SLCO1B3: variants seen among roughly 807,000 people sequenced by gnomAD.
The protein encoded by SLCO1B3 is liver-specific organic anion transporter 2.
Under a neutral mutation model 71.8 loss-of-function variants are expected in SLCO1B3, and 72 were observed. The ratio of observed to expected loss-of-function variants is 1.00; its 90% CI spans 0.83 to 1.22. The LOEUF (loss-of-function observed/expected upper bound fraction) is 1.22. SLCO1B3 is among the 50% of genes most tolerant of loss of function. The probability of loss-of-function intolerance (pLI) is 0.00; values close to 1 mark genes in which losing one functional copy is unlikely to be tolerated. For missense variants in SLCO1B3, 911 were observed against 819.7 expected, an observed-to-expected ratio of 1.11 and a Z score of -1.36; for synonymous variants, 298 against 278.4, an observed-to-expected ratio of 1.07 and a Z score of -0.70.
intron 3 of SLCO1B3, among the ~76,000 whole-genome samples, chr12:20,848,729 A>G (rs570760090): frequency 6.6e-6 from 1 of 152,280 alleles, no homozygotes; most frequent in South Asian, 2.1e-4. Context: ...AAAGAAGCAA[A>G]TCTTAAAATG....
intron 5 of SLCO1B3, chr12:20,858,897 C>A (rs539132807): frequency 1.9e-5 from 3 of 160,590 alleles, no homozygotes; most frequent in Non-Finnish European, 2.7e-5. Flanking sequence ...TTTTGATTAT[C>A]CTCAGTAAGG....
chr12:20,858,806 GGT>G, intron 5 of SLCO1B3: 1 of 245,442 alleles, frequency 4.1e-6, no homozygotes, highest in Non-Finnish European at 7.7e-6. Context: ...TATTATATAA[GGT>G]ATACAGTTTT....
intron 12 of SLCO1B3, among the ~76,000 whole-genome samples, chr12:20,882,210 A>G (rs78102661): frequency 0.044 from 6,660 of 152,218 alleles, 235 homozygotes; most frequent in East Asian, 0.18. Flanking sequence ...GGCAATGGCT[A>G]TGCTATGTGG....
At chr12:20,838,630 C>G (rs933594170) in intron 3 of SLCO1B3, among the ~76,000 whole-genome samples, 3 of 151,966 alleles carry the variant, frequency 2.0e-5, no homozygotes, top group African/African-American at 7.2e-5. Context: ...AGGCTACAAA[C>G]CTTTACAGCC....
Position 20,862,585 on chromosome 12 carries a change from A to G in SLCO1B3, c.628+27A>G, listed in dbSNP as rs762676029. 40 of 1,566,384 alleles carry G rather than the reference A, an allele frequency of 2.6e-5. No individual in the cohort carries two copies. The Middle Eastern group carries it at 5.0e-4, about 20-fold the overall frequency. ...TAACGTACAGAATATATTAAATTTC[A>G]TGATTACATTCCCTGGATCTACCCT... is the stretch of plus-strand genomic sequence containing the variant. On this transcript the variant is annotated intron_variant, in intron 7 of 15. Coordinates refer to ENST00000381545, the MANE Select transcript of SLCO1B3 (RefSeq NM_019844.4).
chr12:20,875,610 T>G, intron 9 of SLCO1B3, 133 bp downstream of exon 9: 1 of 949,244 alleles, frequency 1.1e-6, no homozygotes, highest in Non-Finnish European at 1.5e-6. Context: ...GCTGAATTAT[T>G]TTTTCTAAAA....
chr12:20,820,599 T>C (rs965865706), intron 3 of SLCO1B3, among the ~76,000 whole-genome samples: 1 of 152,174 alleles, frequency 6.6e-6, no homozygotes, highest in Non-Finnish European at 1.5e-5. Flanking sequence ...TTTGTTTTAT[T>C]ACTGTACACC....
intron 15 of SLCO1B3, among the ~76,000 whole-genome samples, chr12:20,908,908 T>A (rs940640588): frequency 2.6e-4 from 40 of 152,204 alleles, no homozygotes; most frequent in Non-Finnish European, 5.3e-4. Flanking sequence ...AACACCAAAG[T>A]GCAATTACTT....
chr12:20,833,176 C>G (rs551127130), intron 3 of SLCO1B3, among the ~76,000 whole-genome samples: 4 of 152,056 alleles, frequency 2.6e-5, no homozygotes, highest in Non-Finnish European at 2.9e-5. Context: ...TTTAAAGGAG[C>G]CTTGTGATTA....
chr12:20,838,658 C>T (rs79772154), intron 3 of SLCO1B3, among the ~76,000 whole-genome samples: 5,752 of 152,046 alleles, frequency 0.038, 170 homozygotes, highest in East Asian at 0.17. Flanking sequence ...GTACTAAATA[C>T]TGCAGGAATT....
chr12:20,896,649 T>C (rs898753578), intron 13 of SLCO1B3, among the ~76,000 whole-genome samples: 18 of 152,160 alleles, frequency 1.2e-4, no homozygotes, highest in Admixed American at 6.6e-5. Context: ...TATTTTCTTG[T>C]TTTTTTCTGA....
At chr12:20,865,243 C>G (rs1404360810) in intron 8 of SLCO1B3, among the ~76,000 whole-genome samples, 1 of 152,100 alleles carries the variant, frequency 6.6e-6, no homozygotes, top group Admixed American at 6.6e-5. Flanking sequence ...ACTGATTTAA[C>G]TAGTCATTTC....
At position 20,883,503 on chromosome 12, in the gene SLCO1B3, A is replaced by T. The variant is rs1349659255; in HGVS notation, c.1583A>T (p.Asn528Ile). ...CACTTGGGTGAATGCCCAAGAGATA[A>T]TACTTGTACAAGGAAATTTTTCATC... ...SAHLGECPRDNTCTRKFFIYV... is the reference protein window; with the variant it reads ...SAHLGECPRDITCTRKFFIYV... The change falls in exon 13 of 16, where the codon AAT becomes ATT. Residue 528 changes from asparagine (N) to isoleucine (I), a missense_variant. Physicochemically the swap from Asn to Ile is moderately radical, Grantham distance 149. Coordinates refer to ENST00000381545, the MANE Select transcript of SLCO1B3 (RefSeq NM_019844.4). 3 of 1,605,030 alleles carry T rather than the reference A, an allele frequency of 1.9e-6. No homozygotes were observed. The highest frequency in any genetic ancestry group is 2.6e-6 in the Non-Finnish European group (3 of 1,175,642).
chr12:20,844,501 G>A (rs1014151083), intron 3 of SLCO1B3, among the ~76,000 whole-genome samples: 1 of 151,690 alleles, frequency 6.6e-6, no homozygotes, highest in African/African-American at 2.4e-5. Flanking sequence ...CTAGGAGGCA[G>A]TGGTTGCAGT....
At chr12:20,851,296 A>T (rs1384281083) in intron 3 of SLCO1B3, among the ~76,000 whole-genome samples, 2 of 152,152 alleles carry the variant, frequency 1.3e-5, no homozygotes, top group African/African-American at 4.8e-5. Flanking sequence ...CAACAAACAC[A>T]GTGGATCCAA....
intron 8 of SLCO1B3, among the ~76,000 whole-genome samples, chr12:20,864,212 C>T (rs556113967): frequency 6.6e-6 from 1 of 152,218 alleles, no homozygotes; most frequent in South Asian, 2.1e-4. Context: ...TCATCATTTC[C>T]ATTGGTCTCA....
intron 3 of SLCO1B3, among the ~76,000 whole-genome samples, chr12:20,836,298 A>G (rs11045545): frequency 0.12 from 18,303 of 152,178 alleles, 2,256 homozygotes; most frequent in African/African-American, 0.3. Flanking sequence ...GATTACATGA[A>G]TTGATTTTCA....
intron 15 of SLCO1B3, among the ~76,000 whole-genome samples, chr12:20,907,509 T>TC (rs1337025206): frequency 7.7e-6 from 1 of 129,384 alleles, no homozygotes; most frequent in African/African-American, 2.8e-5. Context: ...TCCCTTCCCT[T>TC]CCTTTTTTTT....
chr12:20,861,280 C>T, intron 6 of SLCO1B3, 142 bp downstream of exon 6: 4 of 707,080 alleles, frequency 5.7e-6, no homozygotes, highest in South Asian at 4.5e-5. Flanking sequence ...CAAAATCATA[C>T]TGTTAATGTA....
Sources: gnomAD v4.1 joint callset for allele counts (sites outside exome capture counted in the v4.1 genomes callset) on GRCh38, gnomAD v4.1.1 for gene constraint, MANE v1.5 for transcripts, NCBI Gene and HGNC (gene_info 2026-07-23, HGNC 2026-07-21) for gene names.